The following PRKG1 variants were observed in gnomAD, a reference collection of about 807,000 sequenced individuals.
The protein encoded by PRKG1 is cGMP-dependent protein kinase 1.
PRKG1 carries 35 observed loss-of-function variants against 88.1 expected under a neutral mutation model. That is an observed-to-expected ratio of 0.40 (90% CI 0.30 to 0.53). The LOEUF (loss-of-function observed/expected upper bound fraction) is 0.53. PRKG1 is among the 20% of genes least tolerant of loss of function. PRKG1 has a pLI of 0.59. For missense variants in PRKG1, 540 were observed against 839.8 expected (o/e 0.64, Z 4.41); for synonymous variants, 303 against 292.5 (o/e 1.04, Z -0.37).
chr10:51,249,238 A>T (rs1839369173), intron 2 of PRKG1, among the ~76,000 whole-genome samples: 1 of 151,890 alleles, frequency 6.6e-6, no homozygotes, highest in Admixed American at 6.6e-5. Flanking sequence ...AATAGCTTAT[A>T]AGAAAATGTT....
intron 5 of PRKG1, among the ~76,000 whole-genome samples, chr10:51,954,680 C>T (rs944649956): frequency 4.6e-5 from 7 of 152,070 alleles, no homozygotes; most frequent in African/African-American, 1.4e-4. Context: ...TGTATCTTGG[C>T]GATTTGTAAG....
intron 5 of PRKG1, among the ~76,000 whole-genome samples, chr10:51,952,463 T>A (rs1325249945): frequency 2.0e-5 from 3 of 152,184 alleles, no homozygotes. Flanking sequence ...TATGATTGAC[T>A]TCATTAGCCT....
chr10:51,690,808 C>T (rs962577913), intron 3 of PRKG1, among the ~76,000 whole-genome samples: 13 of 151,314 alleles, frequency 8.6e-5, no homozygotes, highest in African/African-American at 2.9e-4. Context: ...CACCTGTACT[C>T]CCAGCTACTC....
At chr10:52,022,837 A>AT (rs1463480338) in intron 5 of PRKG1, among the ~76,000 whole-genome samples, 2 of 152,188 alleles carry the variant, frequency 1.3e-5, no homozygotes, top group East Asian at 3.8e-4. Flanking sequence ...GTTATTTAGG[A>AT]ATATGGAAAT....
intron 5 of PRKG1, among the ~76,000 whole-genome samples, chr10:51,956,199 T>C (rs1421799770): frequency 1.3e-5 from 2 of 152,074 alleles, no homozygotes; most frequent in Non-Finnish European, 2.9e-5. Flanking sequence ...TTAGGATTAT[T>C]ATTTTGTTGG....
intron 3 of PRKG1, among the ~76,000 whole-genome samples, chr10:51,626,129 G>T (rs1839331184): frequency 1.3e-5 from 2 of 152,134 alleles, no homozygotes; most frequent in South Asian, 4.1e-4. Context: ...CATTTTATTG[G>T]TGTATACAGT....
At chr10:51,902,896 T>C (rs1842009968) in intron 4 of PRKG1, among the ~76,000 whole-genome samples, 1 of 152,180 alleles carries the variant, frequency 6.6e-6, no homozygotes, top group Non-Finnish European at 1.5e-5. Flanking sequence ...TTTTGACCTT[T>C]GAAGACCCAT....
chr10:52,036,986 G>A (rs1292685912), intron 5 of PRKG1, among the ~76,000 whole-genome samples: 1 of 152,286 alleles, frequency 6.6e-6, no homozygotes, highest in Non-Finnish European at 1.5e-5. Flanking sequence ...CTCGGCGTCT[G>A]TGATGGTCTA....
intron 3 of PRKG1, among the ~76,000 whole-genome samples, chr10:51,767,292 G>T (rs1456585779): frequency 6.6e-6 from 1 of 152,156 alleles, no homozygotes. Flanking sequence ...AGAGCTATTT[G>T]AAATGAATTC....
intron 2 of PRKG1, among the ~76,000 whole-genome samples, chr10:51,373,342 G>C (rs771532346): frequency 2.0e-5 from 3 of 152,186 alleles, no homozygotes; most frequent in Non-Finnish European, 4.4e-5. Context: ...AAAACTGCAA[G>C]TAAGGCATCA....
intron 3 of PRKG1, among the ~76,000 whole-genome samples, chr10:51,627,997 TC>T (rs1839400797): frequency 2.1e-5 from 1 of 47,478 alleles, no homozygotes; most frequent in African/African-American, 5.8e-5. Context: ...TCTTTCTCTC[TC>T]TCTCTCTCTC....
At chr10:51,550,239 T>C (rs1002103931) in intron 3 of PRKG1, among the ~76,000 whole-genome samples, 1 of 152,136 alleles carries the variant, frequency 6.6e-6, no homozygotes, top group African/African-American at 2.4e-5. Flanking sequence ...ATTCCTGTCA[T>C]GCCCCAATTG....
intron 5 of PRKG1, among the ~76,000 whole-genome samples, chr10:51,991,173 T>C (rs1272065945): frequency 6.6e-6 from 1 of 152,188 alleles, no homozygotes; most frequent in Non-Finnish European, 1.5e-5. Context: ...TGATTATTCC[T>C]GTTGATTTTA....
chr10:52,000,974 A>T (rs1448046620), intron 5 of PRKG1, among the ~76,000 whole-genome samples: 1 of 151,980 alleles, frequency 6.6e-6, no homozygotes, highest in African/African-American at 2.4e-5. Context: ...TGTACCCTGA[A>T]GTTTTGTACC....
rs1554837458 is a variant in PRKG1, at chr10:51,115,385, A to ATATATATATATATATATATATATATAT, written c.312-37779_312-37778insTATATATATATATATATATATATATAT. Among the ~76,000 whole-genome samples the ATATATATATATATATATATATATATAT allele has an allele frequency of 8.8e-4, 83 of 94,464 alleles. 3 individuals are homozygous for ATATATATATATATATATATATATATAT. The highest frequency in any genetic ancestry group is 1.6e-3 in the South Asian group (3 of 1,836). 62.0% of individuals were successfully genotyped at this position (94,464 alleles called of 152,430 possible). A position where few individuals can be genotyped will look rare whatever the true frequency, so the allele number is the denominator to read the frequency against. ...TGTTCCTTTAAACATATATATATATAAAACAAATGTGAAAGGGGGAGAGAC... is the reference window on the plus strand; with the variant it reads ...TGTTCCTTTAAACATATATATATATATATATATATATATATATATATATATATAAACAAATGTGAAAGGGGGAGAGAC... On this transcript the variant is annotated intron_variant, in intron 1 of 17. Transcript: ENST00000373980.
chr10:51,101,476 C>G (rs1187985429), intron 1 of PRKG1, among the ~76,000 whole-genome samples: 1 of 152,044 alleles, frequency 6.6e-6, no homozygotes, highest in Non-Finnish European at 1.5e-5. Context: ...AATACAGGTG[C>G]CAAAATCAGA....
At chr10:51,871,669 C>T (rs997338320) in intron 4 of PRKG1, among the ~76,000 whole-genome samples, 2 of 152,194 alleles carry the variant, frequency 1.3e-5, no homozygotes, top group Non-Finnish European at 2.9e-5. Context: ...TATACGCTTC[C>T]ACCATGGATT....
rs190259538 is a variant in PRKG1 at position 51,104,453 on chromosome 10, C to T, written c.311+29552C>T. Reference sequence around the variant, plus strand: ...GATAGTTGTATATAAGATGTAAGTACGTTAAGACACTGAGAGGAAGTGGAA... The same window carrying T: ...GATAGTTGTATATAAGATGTAAGTATGTTAAGACACTGAGAGGAAGTGGAA... On this transcript the variant is annotated intron_variant, in intron 1 of 17. Coordinates refer to ENST00000373980, the MANE Select transcript of PRKG1 (RefSeq NM_006258.4). Among the ~76,000 whole-genome samples, 12 of 152,222 alleles carry T rather than the reference C, an allele frequency of 7.9e-5. No individual in the cohort carries two copies. In the East Asian group the frequency reaches 9.7e-4, roughly 12 times the overall value.
intron 3 of PRKG1, among the ~76,000 whole-genome samples, chr10:51,489,308 G>A (rs1223658379): frequency 6.6e-6 from 1 of 152,172 alleles, no homozygotes; most frequent in African/African-American, 2.4e-5. Flanking sequence ...AGAGGAATTA[G>A]CATGAGCAGA....
Sources: allele counts gnomAD v4.1 joint callset (sites outside exome capture counted in the v4.1 genomes callset), GRCh38; gene constraint gnomAD v4.1.1; transcripts MANE v1.5; gene names NCBI Gene and HGNC (gene_info 2026-07-23, HGNC 2026-07-21).